RCOR1: variants seen among roughly 807,000 people sequenced by gnomAD.
The protein encoded by RCOR1 is REST corepressor 1, also known as REST corepressor.
In RCOR1, 12 loss-of-function variants were observed where a neutral mutation model predicts 64.0. The ratio of observed to expected loss-of-function variants is 0.19; its 90% CI spans 0.12 to 0.30. The LOEUF (loss-of-function observed/expected upper bound fraction) is 0.30, where lower values mean the gene tolerates loss of function less well. Among genes scored for constraint, RCOR1 ranks in the 10% least tolerant of loss-of-function variants. RCOR1 has a pLI of 1.00. For missense variants in RCOR1, 502 were observed against 621.2 expected, an observed-to-expected ratio of 0.81 and a Z score of 2.04; for synonymous variants, 279 against 227.2, an observed-to-expected ratio of 1.23 and a Z score of -2.05.
chr14:102,649,634 C>T (rs901965064), intron 2 of RCOR1: 4 of 198,326 alleles, frequency 2.0e-5, no homozygotes, highest in Non-Finnish European at 2.7e-5. Context: ...GCCAAGTGTC[C>T]TTGTGTTTAA....
At chr14:102,721,259 C>A in intron 9 of RCOR1, 61 bp from the exon 10 acceptor site, 4 of 1,432,882 alleles carry the variant, frequency 2.8e-6, no homozygotes, top group African/African-American at 1.4e-5. Context: ...GTTCGTTAAG[C>A]TCATAAGGAC....
chr14:102,604,617 C>G (rs1893467193), intron 2 of RCOR1, among the ~76,000 whole-genome samples: 1 of 152,120 alleles, frequency 6.6e-6, no homozygotes, highest in South Asian at 2.1e-4. Flanking sequence ...GTAATCCAGT[C>G]CGAGAGGCCC....
At chr14:102,665,984 A>G (rs1201714551) in intron 2 of RCOR1, among the ~76,000 whole-genome samples, 6 of 152,216 alleles carry the variant, frequency 3.9e-5, no homozygotes, top group Non-Finnish European at 8.8e-5. Context: ...TAATGACAAG[A>G]GCCTAAACTG....
At position 102,593,042 on chromosome 14, in the gene RCOR1, C is replaced by T. The variant is rs1893164262; in HGVS notation, c.156C>T (p.Ser52=). 1.5e-5 allele frequency: 21 copies of T among 1,358,032 alleles called. No individual in the cohort carries two copies. The Admixed American group carries it at 1.7e-4, about 11-fold the overall frequency. The allele number at this position is 1,358,032 out of a possible 1,614,324, so 84.1% of individuals were successfully genotyped here. A position where few individuals can be genotyped will look rare whatever the true frequency, so the allele number is the denominator to read the frequency against. The part of the protein sequence containing the change: ...AATAASGAAA[S]SASAAAASAA... The stretch of plus-strand genomic sequence containing the variant: ...CTGCCGCCTCGGGCGCCGCCGCCTC[C>T]TCAGCCTCGGCCGCCGCCGCCTCAG... The change falls in exon 1 of 12, where the codon TCC becomes TCT. Residue 52 remains serine, a synonymous_variant. Coordinates refer to ENST00000262241, the MANE Select transcript of RCOR1 (RefSeq NM_015156.4).
chr14:102,648,244 A>C (rs910230684), intron 2 of RCOR1, among the ~76,000 whole-genome samples: 1 of 152,036 alleles, frequency 6.6e-6, no homozygotes, highest in African/African-American at 2.4e-5. Context: ...ACACCTGGCT[A>C]ATTTTTGTAT....
chr14:102,646,476 G>A (rs1049785116), intron 2 of RCOR1, among the ~76,000 whole-genome samples: 11 of 152,122 alleles, frequency 7.2e-5, no homozygotes, highest in African/African-American at 2.7e-4. Flanking sequence ...AAAGCAAGAA[G>A]GTATAAAGTA....
chr14:102,631,333 G>A (rs922016450), intron 2 of RCOR1, among the ~76,000 whole-genome samples: 6 of 151,716 alleles, frequency 4.0e-5, no homozygotes, highest in Admixed American at 3.3e-4. Context: ...CTCCCGAGTA[G>A]CTGGGACTAC....
chr14:102,690,803 T>C (rs1378268959), intron 3 of RCOR1, among the ~76,000 whole-genome samples: 2 of 152,170 alleles, frequency 1.3e-5, no homozygotes, highest in East Asian at 3.8e-4. Context: ...CTCGTCTCTC[T>C]CCACTGTAGT....
chr14:102,596,351 C>T (rs999954687), intron 2 of RCOR1, among the ~76,000 whole-genome samples: 2 of 152,148 alleles, frequency 1.3e-5, no homozygotes, highest in African/African-American at 4.8e-5. Flanking sequence ...GATCCACCCA[C>T]CTCAGCCTTC....
intron 4 of RCOR1, 29 bp downstream of exon 4, chr14:102,701,359 G>C: frequency 6.6e-7 from 1 of 1,506,924 alleles, no homozygotes; most frequent in African/African-American, 1.4e-5. Flanking sequence ...TTCTTTTGCT[G>C]TTAAAAAATG....
chr14:102,649,043 G>T (rs894341710), intron 2 of RCOR1, among the ~76,000 whole-genome samples: 10 of 140,970 alleles, frequency 7.1e-5, no homozygotes, highest in Non-Finnish European at 1.5e-4. Flanking sequence ...TACATATACA[G>T]AAAACCAAAC....
intron 2 of RCOR1, among the ~76,000 whole-genome samples, chr14:102,618,567 C>A (rs891653008): frequency 6.6e-6 from 1 of 152,132 alleles, no homozygotes; most frequent in Non-Finnish European, 1.5e-5. Flanking sequence ...GTCATCATGC[C>A]CATGCCAATG....
At chr14:102,714,759 C>T (rs557447132) in intron 8 of RCOR1, 142 bp downstream of exon 8, 1 of 599,542 alleles carries the variant, frequency 1.7e-6, no homozygotes, top group African/African-American at 1.8e-5. Context: ...ATCTTAAGTA[C>T]CAGCCCATTG....
chr14:102,723,417 G>A (rs1022483382), intron 11 of RCOR1, among the ~76,000 whole-genome samples: 4 of 152,184 alleles, frequency 2.6e-5, no homozygotes, highest in African/African-American at 9.7e-5. Flanking sequence ...GCTGACTGGA[G>A]AAAGGACCTC....
chr14:102,710,664 A>G (rs922792309), intron 6 of RCOR1: 8 of 393,328 alleles, frequency 2.0e-5, no homozygotes, highest in Non-Finnish European at 3.2e-5. Flanking sequence ...GATATAGAGC[A>G]ATAGTGTTTT....
intron 2 of RCOR1, among the ~76,000 whole-genome samples, chr14:102,633,101 T>TACCCA (rs1894163408): frequency 6.6e-6 from 1 of 151,966 alleles, no homozygotes. Context: ...TAAGCCACTG[T>TACCCA]GCCTGGCCAG....
intron 2 of RCOR1, chr14:102,657,404 C>T (rs1894749114): frequency 1.0e-6 from 1 of 985,288 alleles, no homozygotes; most frequent in Non-Finnish European, 1.2e-6. Context: ...AATTTCTTAA[C>T]TTTTCTGATG....
At chr14:102,622,308 G>A (rs541058322) in intron 2 of RCOR1, among the ~76,000 whole-genome samples, 2 of 152,222 alleles carry the variant, frequency 1.3e-5, no homozygotes, top group Admixed American at 6.5e-5. Flanking sequence ...CTGCCAGCCC[G>A]AAGGCTTGAA....
Position 102,726,518 on chromosome 14 carries a change from C to A in RCOR1, c.*12C>A. The A allele has an allele frequency of 6.2e-7, 1 of 1,602,606 alleles. No individual in the cohort carries two copies. Among genetic ancestry groups the A allele is most frequent in the Admixed American group, 1.7e-5 (1 of 58,956 alleles). On this transcript the variant is annotated 3_prime_UTR_variant, in exon 12 of 12. Coordinates refer to ENST00000262241, the MANE Select transcript of RCOR1 (RefSeq NM_015156.4). ...CATCTGCCTCCTGAGAAACTGGTGG[C>A]TTTGAACACTTGGTGTGGACTACTG...
Sources: gnomAD v4.1 joint callset for allele counts (sites outside exome capture counted in the v4.1 genomes callset) on GRCh38, gnomAD v4.1.1 for gene constraint, MANE v1.5 for transcripts, NCBI Gene and HGNC (gene_info 2026-07-23, HGNC 2026-07-21) for gene names.